The following TMEM178A variants were observed in gnomAD, a reference collection of about 807,000 sequenced individuals.
The protein encoded by TMEM178A is transmembrane protein 178.
In TMEM178A, 12 loss-of-function variants were observed where a neutral mutation model predicts 29.1. That is an observed-to-expected ratio of 0.41 (90% CI 0.26 to 0.67). The LOEUF (loss-of-function observed/expected upper bound fraction) is 0.67. Ranked by LOEUF, TMEM178A falls within the 30% of genes least tolerant of loss-of-function variation. TMEM178A has a pLI of 0.29. For missense variants in TMEM178A, 366 were observed against 419.1 expected, an observed-to-expected ratio of 0.87 and a Z score of 1.11; for synonymous variants, 210 against 187.2, an observed-to-expected ratio of 1.12 and a Z score of -0.99.
At chr2:39,672,128 A>G (rs778230453) in intron 1 of TMEM178A, among the ~76,000 whole-genome samples, 2 of 152,216 alleles carry the variant, frequency 1.3e-5, no homozygotes, top group Non-Finnish European at 1.5e-5. Flanking sequence ...AACACATTCT[A>G]TTGCTAACAT....
intron 1 of TMEM178A, among the ~76,000 whole-genome samples, chr2:39,672,201 G>A (rs757815576): frequency 6.6e-6 from 1 of 152,164 alleles, no homozygotes; most frequent in East Asian, 1.9e-4. Flanking sequence ...GAATATACTT[G>A]CTTCCATTCT....
intron 1 of TMEM178A, among the ~76,000 whole-genome samples, chr2:39,680,030 A>C (rs1287093319): frequency 6.6e-6 from 1 of 152,138 alleles, no homozygotes; most frequent in Non-Finnish European, 1.5e-5. Context: ...ATTCTGAAGC[A>C]ATCTTCCTCC....
chr2:39,702,105 T>C (rs1237625494), intron 1 of TMEM178A, among the ~76,000 whole-genome samples: 2 of 152,180 alleles, frequency 1.3e-5, no homozygotes, highest in East Asian at 3.8e-4. Context: ...TGTCTCGTAC[T>C]TTTTTGGTTG....
intron 3 of TMEM178A, among the ~76,000 whole-genome samples, chr2:39,710,412 G>A (rs985351305): frequency 6.6e-6 from 1 of 151,978 alleles, no homozygotes; most frequent in African/African-American, 2.4e-5. Context: ...CTTTATTTTG[G>A]ACCAAATCTT....
At chr2:39,674,540 A>G (rs988364493) in intron 1 of TMEM178A, among the ~76,000 whole-genome samples, 5 of 152,054 alleles carry the variant, frequency 3.3e-5, no homozygotes, top group African/African-American at 1.2e-4. Flanking sequence ...GGCGAGGGAT[A>G]AAAGACTACA....
intron 1 of TMEM178A, among the ~76,000 whole-genome samples, chr2:39,697,019 A>C (rs1190898242): frequency 6.6e-6 from 1 of 152,184 alleles, no homozygotes; most frequent in Non-Finnish European, 1.5e-5. Flanking sequence ...ATTGCTCTCT[A>C]AACCCAGAAA....
chr2:39,735,164 TA>T, the TMEM178A span, among the ~76,000 whole-genome samples: 1 of 152,194 alleles, frequency 6.6e-6, no homozygotes, highest in Non-Finnish European at 1.5e-5. Flanking sequence ...CCATCTCATC[TA>T]ATATACCACC....
chr2:39,712,631 A>G (rs1025669358), intron 3 of TMEM178A, among the ~76,000 whole-genome samples: 2 of 152,084 alleles, frequency 1.3e-5, no homozygotes, highest in Non-Finnish European at 2.9e-5. Context: ...TGCTGCCAGC[A>G]GTAGTAAGGA....
chr2:39,725,597 T>C, the TMEM178A span, among the ~76,000 whole-genome samples: 1 of 152,174 alleles, frequency 6.6e-6, no homozygotes, highest in Non-Finnish European at 1.5e-5. Context: ...CAGATGACCA[T>C]GAAAAGTAAC....
chr2:39,698,591 T>G (rs1671650316), intron 1 of TMEM178A, among the ~76,000 whole-genome samples: 2 of 152,220 alleles, frequency 1.3e-5, no homozygotes, highest in African/African-American at 4.8e-5. Context: ...TGCATATCTA[T>G]ACATAAGGAA....
the TMEM178A span, among the ~76,000 whole-genome samples, chr2:39,733,514 CT>C: frequency 6.6e-6 from 1 of 152,172 alleles, no homozygotes; most frequent in African/African-American, 2.4e-5. Context: ...CAGACAGTGC[CT>C]GTTGTGTAAC....
chr2:39,720,841 A>C (rs113937445), downstream of TMEM178A, among the ~76,000 whole-genome samples: 2 of 152,238 alleles, frequency 1.3e-5, no homozygotes, highest in Non-Finnish European at 1.5e-5. Context: ...TGGAAAGAGA[A>C]TATAGCTTGG....
intron 1 of TMEM178A, among the ~76,000 whole-genome samples, chr2:39,689,363 C>G (rs990178380): frequency 1.3e-5 from 2 of 152,116 alleles, no homozygotes; most frequent in African/African-American, 4.8e-5. Context: ...TTTCAGAGAT[C>G]TAGTTTAGTT....
intron 1 of TMEM178A, among the ~76,000 whole-genome samples, chr2:39,694,161 GTAATAATAA>G (rs66983117): frequency 4.1e-5 from 6 of 146,714 alleles, no homozygotes; most frequent in Non-Finnish European, 6.0e-5. Context: ...AGTAGTAGTA[GTAATAATAA>G]TAATAATAAT....
downstream of TMEM178A, among the ~76,000 whole-genome samples, chr2:39,721,421 A>T (rs1027523720): frequency 1.3e-5 from 2 of 152,080 alleles, no homozygotes; most frequent in Non-Finnish European, 2.9e-5. Flanking sequence ...TTTATTTCCA[A>T]TTTTTTTCTC....
At chr2:39,666,731 T>C (rs540275174) in intron 1 of TMEM178A, among the ~76,000 whole-genome samples, 5 of 152,226 alleles carry the variant, frequency 3.3e-5, no homozygotes, top group Non-Finnish European at 5.9e-5. Flanking sequence ...GTGTGTCTTT[T>C]CTTGACGCTG....
In TMEM178A at chr2:39,705,745, C is replaced by G. The variant is rs554501961; in HGVS notation, c.515-1304C>G. ...CCGCCCCTAAGCTGCCCAGGAGCCA[C>G]ACAAACACACAATAAAGTGATGGCT... On this transcript the variant is annotated intron_variant, in intron 2 of 3. Coordinates refer to ENST00000281961, the MANE Select transcript of TMEM178A (RefSeq NM_152390.3). Among the ~76,000 whole-genome samples the G allele has an allele frequency of 1.3e-3, 198 of 152,324 alleles. 1 individual carries two copies. Among genetic ancestry groups the G allele is most frequent in the African/African-American group, 4.5e-3 (185 of 41,562 alleles).
chr2:39,678,529 A>T (rs1243558012), intron 1 of TMEM178A, among the ~76,000 whole-genome samples: 2 of 152,228 alleles, frequency 1.3e-5, no homozygotes, highest in African/African-American at 4.8e-5. Context: ...CAGATTAGGC[A>T]AACCCACAGA....
chr2:39,701,509 G>GATATATCTGGGTGTGGGTC (rs1671781130), intron 1 of TMEM178A, among the ~76,000 whole-genome samples: 2 of 152,120 alleles, frequency 1.3e-5, no homozygotes, highest in Middle Eastern at 3.4e-3. Flanking sequence ...GTTTGATTAT[G>GATATATCTGGGTGTGGGTC]ATATATCTGG....
Sources: allele counts gnomAD v4.1 joint callset (sites outside exome capture counted in the v4.1 genomes callset), GRCh38; gene constraint gnomAD v4.1.1; transcripts MANE v1.5; gene names NCBI Gene and HGNC (gene_info 2026-07-23, HGNC 2026-07-21).